CCZ1B: variants seen among roughly 807,000 people sequenced by gnomAD.
The protein encoded by CCZ1B is CCZ1B vacuolar protein trafficking and biogenesis associated.
A neutral mutation model predicts 58.8 loss-of-function variants in CCZ1B; 25 were observed. The observed-to-expected ratio is 0.43, with a 90% CI of 0.31 to 0.59. The LOEUF is 0.59. Ranked by LOEUF, CCZ1B falls within the 20% of genes least tolerant of loss-of-function variation. The probability of loss-of-function intolerance (pLI) is 0.12; values close to 1 mark genes in which losing one functional copy is unlikely to be tolerated. For synonymous variants in CCZ1B, 66 were observed against 173.2 expected, an observed-to-expected ratio of 0.38 and a Z score of 4.86; for missense variants, 180 against 501.5, an observed-to-expected ratio of 0.36 and a Z score of 6.12.
At chr7:6,821,809 C>T (rs372877176) in intron 6 of CCZ1B, among the ~76,000 whole-genome samples, 1 of 150,504 alleles carries the variant, frequency 6.6e-6, no homozygotes, top group African/African-American at 2.5e-5. Flanking sequence ...GCACTTGGAA[C>T]AAATCTCCCC....
intron 7 of CCZ1B, among the ~76,000 whole-genome samples, chr7:6,819,148 G>GAAAAAAAAAAA (rs1783068206): frequency 1.0e-5 from 1 of 98,604 alleles, no homozygotes; most frequent in Non-Finnish European, 2.1e-5. Context: ...AAAAAAAAAG[G>GAAAAAAAAAAA]TATAAAAATT....
At chr7:6,813,267 G>A (rs547955458) in intron 8 of CCZ1B, among the ~76,000 whole-genome samples, 1 of 149,458 alleles carries the variant, frequency 6.7e-6, no homozygotes, top group Admixed American at 6.6e-5. Context: ...CCTGATAGAG[G>A]CATGTGTGAC....
chr7:6,813,397 G>A (rs2115117822), intron 8 of CCZ1B, among the ~76,000 whole-genome samples: 1 of 149,320 alleles, frequency 6.7e-6, no homozygotes, highest in East Asian at 1.9e-4. Context: ...AACAGCCTGG[G>A]CAACATGACG....
At position 6,816,853 on chromosome 7, in the gene CCZ1B, A is replaced by G. The variant is rs1329760473; in HGVS notation, c.699-2008T>C. Among the ~76,000 whole-genome samples the G allele has an allele frequency of 3.3e-5, 5 of 151,566 alleles. No individual in the cohort carries two copies. The East Asian group carries it at 9.6e-4, about 29-fold the overall frequency. ...CTGCAACCTCAAACTTCCAGGCTCA[A>G]GTGATTCTCCAGCCTCAACCTCTGT... On this transcript the variant is annotated intron_variant, in intron 7 of 14. Coordinates refer to ENST00000316731, the MANE Select transcript of CCZ1B (RefSeq NM_198097.5).
At position 6,814,824 on chromosome 7, in the gene CCZ1B, G is replaced by C; in HGVS notation, c.720C>G (p.Asp240Glu). The stretch of plus-strand genomic sequence containing the variant: ...TAAGGTATTTGTATAAAATTCTCAT[G>C]TCATCTTGTTCTAATCCACTCCTGC... ...QLIWSGLEQD[D>E]MRILYKYLTT... is the part of the protein sequence containing the mutation. Residue 240 changes from aspartate (D) to glutamate (E), a missense_variant, in exon 8 of 15, where the codon GAC becomes GAG. Coordinates refer to ENST00000316731, the MANE Select transcript of CCZ1B (RefSeq NM_198097.5). The C allele has an allele frequency of 6.2e-7, 1 of 1,606,624 alleles. No individual in the cohort carries two copies.
rs916858990 is a variant in CCZ1B, at chr7:6,814,307, T to C, written c.780+457A>G. Among the ~76,000 whole-genome samples, 75 of 148,502 alleles carry C rather than the reference T, an allele frequency of 5.1e-4. 5 individuals carry two copies. The highest frequency in any genetic ancestry group is 1.7e-3 in the African/African-American group (67 of 39,050). ...ATCCTAGCACTTTGGGAGGCCAAGG[T>C]GGGCAGATCACAAGGTCAGGAGTTC... On this transcript the variant is annotated intron_variant, in intron 8 of 14. Coordinates refer to ENST00000316731, the MANE Select transcript of CCZ1B (RefSeq NM_198097.5).
intron 7 of CCZ1B, among the ~76,000 whole-genome samples, chr7:6,815,625 T>TTA (rs1258924162): frequency 2.7e-5 from 4 of 148,878 alleles, no homozygotes; most frequent in Non-Finnish European, 5.9e-5. Flanking sequence ...TTCTTTAACA[T>TTA]TATATCAAGA....
chr7:6,815,289 C>T (rs551267846), intron 7 of CCZ1B, among the ~76,000 whole-genome samples: 5,350 of 148,160 alleles, frequency 0.036, 191 homozygotes, highest in Middle Eastern at 0.079. Context: ...TCTCAGCCTC[C>T]AGACTAGCTG....
intron 9 of CCZ1B, 70 bp from the exon 10 acceptor site, chr7:6,812,133 A>G: frequency 2.0e-6 from 2 of 1,025,452 alleles, no homozygotes; most frequent in South Asian, 2.7e-5. Flanking sequence ...GAAACAGAAC[A>G]CACTCCCACT....
At chr7:6,804,377 C>T (rs1164432513) in intron 12 of CCZ1B, among the ~76,000 whole-genome samples, 1 of 128,632 alleles carries the variant, frequency 7.8e-6, no homozygotes, top group Non-Finnish European at 1.6e-5. Flanking sequence ...GAGCCAAGAT[C>T]AAGCCACTGC....
At position 6,819,809 on chromosome 7, in the gene CCZ1B, T is replaced by C. The variant is rs1295913256; in HGVS notation, c.655A>G (p.Ile219Val). The C allele has an allele frequency of 1.3e-6, 2 of 1,561,846 alleles. No individual in the cohort carries two copies. The highest frequency in any genetic ancestry group is 1.8e-6 in the Non-Finnish European group (2 of 1,141,904). Residue 219 changes from isoleucine to valine, a missense_variant, in exon 7 of 15, where the codon ATA becomes GTA. Physicochemically the swap from Ile to Val is conservative, Grantham distance 29. Coordinates refer to ENST00000316731, the MANE Select transcript of CCZ1B (RefSeq NM_198097.5). Reference sequence around the variant, plus strand: ...TAGAGAAAAGCAGTGTATTTGACTATATTCAGGCTTTCCTCCATTCTATTA... The same window carrying C: ...TAGAGAAAAGCAGTGTATTTGACTACATTCAGGCTTTCCTCCATTCTATTA... ...FINRMEESLN[I>V]VKYTAFLYND...
chr7:6,809,090 T>G (rs1267537594), intron 10 of CCZ1B, among the ~76,000 whole-genome samples: 5 of 129,698 alleles, frequency 3.9e-5, no homozygotes, highest in South Asian at 6.1e-4. Flanking sequence ...AGTGAAGGGT[T>G]TGGTACTGTC....
chr7:6,802,125 C>T (rs1305571353), intron 12 of CCZ1B, among the ~76,000 whole-genome samples: 1 of 95,888 alleles, frequency 1.0e-5, no homozygotes, highest in Non-Finnish European at 2.1e-5. Context: ...ATTAACCTGC[C>T]TCATGAGGGA....
At chr7:6,815,388 C>G (rs201128420) in intron 7 of CCZ1B, among the ~76,000 whole-genome samples, 3,592 of 138,156 alleles carry the variant, frequency 0.026, 4 homozygotes, top group East Asian at 0.12. Context: ...GTTTCGAACT[C>G]CTGGACTCAA....
At position 6,818,587 on chromosome 7, in the gene CCZ1B, G is replaced by C. The variant is rs1180966430; in HGVS notation, c.698+1179C>G. ...AGACAGAAAGAAAGACAGAAAGAAA[G>C]ACAGACAGAAAGAAAGAAAGAAAGA... On this transcript the variant is annotated intron_variant, in intron 7 of 14. Transcript: ENST00000316731. Among the ~76,000 whole-genome samples the C allele has an allele frequency of 2.3e-5, 3 of 131,430 alleles. 1 individual carries two copies. The highest frequency in any genetic ancestry group is 1.1e-4 in the African/African-American group (3 of 28,310). The allele number at this position is 131,430 out of a possible 152,430, so 86.2% of individuals were successfully genotyped here. A position where few individuals can be genotyped will look rare whatever the true frequency, so the allele number is the denominator to read the frequency against.
rs963537099 is a variant in CCZ1B, at chr7:6,816,145, T to C, written c.699-1300A>G. The stretch of plus-strand genomic sequence containing the variant: ...CGGTTTTTTAAAAGGAGACAGACAA[T>C]GAGGCTGGATCTGGGCGTTTTCTAT... On this transcript the variant is annotated intron_variant, in intron 7 of 14. Transcript: ENST00000316731. 5.0e-4 allele frequency among the ~76,000 whole-genome samples: 73 copies of C among 147,468 alleles called. 1 individual carries two copies. Among genetic ancestry groups the C allele is most frequent in the Non-Finnish European group, 8.8e-4 (59 of 67,170 alleles).
rs1411968051 is a variant in CCZ1B at position 6,810,532 on chromosome 7, A to C, written c.954+1420T>G. Reference sequence around the variant, plus strand: ...CAGTGGTGTGATCATAGCTCATTACATCCTCCAACTCTTGGGCTCAAGCGG... The same window carrying C: ...CAGTGGTGTGATCATAGCTCATTACCTCCTCCAACTCTTGGGCTCAAGCGG... On this transcript the variant is annotated intron_variant, in intron 10 of 14. Transcript: ENST00000316731. Among the ~76,000 whole-genome samples the C allele has an allele frequency of 1.4e-5, 2 of 147,340 alleles. 1 individual carries two copies. Among genetic ancestry groups the C allele is most frequent in the African/African-American group, 5.2e-5 (2 of 38,820 alleles).
At chr7:6,821,904 A>G (rs1326069371) in intron 6 of CCZ1B, among the ~76,000 whole-genome samples, 1 of 149,730 alleles carries the variant, frequency 6.7e-6, no homozygotes, top group African/African-American at 2.5e-5. Flanking sequence ...AACAGAACCA[A>G]TCCCTGAGAT....
chr7:6,815,322 T>G (rs1226630173), intron 7 of CCZ1B, among the ~76,000 whole-genome samples: 1 of 148,828 alleles, frequency 6.7e-6, no homozygotes, highest in Non-Finnish European at 1.5e-5. Context: ...TGCGCCACCA[T>G]CAGCTAATTT....
Sources: gnomAD v4.1 joint callset for allele counts (sites outside exome capture counted in the v4.1 genomes callset) on GRCh38, gnomAD v4.1.1 for gene constraint, MANE v1.5 for transcripts, NCBI Gene and HGNC (gene_info 2026-07-23, HGNC 2026-07-21) for gene names.